Variants in TTC6 observed in about 807,000 individuals in gnomAD.
The protein encoded by TTC6 is tetratricopeptide repeat protein 6.
Under a neutral mutation model 210.4 loss-of-function variants are expected in TTC6, and 172 were observed. The observed-to-expected ratio is 0.82, with a 90% CI of 0.72 to 0.93. The LOEUF is 0.93. TTC6 is among the 40% of genes least tolerant of loss of function. The pLI, the probability that TTC6 is intolerant of heterozygous loss-of-function variation, is 0.00. For synonymous variants in TTC6, 804 were observed against 819.6 expected (o/e 0.98, Z 0.32); for missense variants, 2,414 against 2,318.1 (o/e 1.04, Z -0.85).
intron 20 of TTC6, among the ~76,000 whole-genome samples, chr14:37,802,740 T>C (rs1392550235): frequency 6.5e-4 from 97 of 148,232 alleles, no homozygotes; most frequent in African/African-American, 2.3e-3. Context: ...TTTTTCTCTT[T>C]TTTTTTTTTT....
At chr14:37,687,314 C>T (rs549825439) in intron 3 of TTC6, among the ~76,000 whole-genome samples, 26 of 152,292 alleles carry the variant, frequency 1.7e-4, no homozygotes, top group African/African-American at 5.5e-4. Context: ...AATAGCTGAT[C>T]TCAGTGTTCG....
At position 37,628,275 on chromosome 14, in the gene TTC6, T is replaced by A. The variant is rs188978946; in HGVS notation, c.939+5272T>A. ...GGCATGAGCCACTGTGCCTGGCCTG[T>A]TTCCTGACTTTTTAATGATTGCCAT... On this transcript the variant is annotated intron_variant, in intron 1 of 30. Transcript: ENST00000553443. Among the ~76,000 whole-genome samples, 31 of 152,306 alleles carry A rather than the reference T, an allele frequency of 2.0e-4. No individual in the cohort carries two copies. The East Asian group carries it at 5.8e-3, about 28-fold the overall frequency.
At chr14:37,648,237 T>C (rs1345342366) in intron 1 of TTC6, among the ~76,000 whole-genome samples, 1 of 152,194 alleles carries the variant, frequency 6.6e-6, no homozygotes, top group Non-Finnish European at 1.5e-5. Context: ...TGCTAGAGTT[T>C]TACCACTAAG....
At chr14:37,677,382 A>G (rs1276140314) in intron 1 of TTC6, among the ~76,000 whole-genome samples, 1 of 152,058 alleles carries the variant, frequency 6.6e-6, no homozygotes, top group Non-Finnish European at 1.5e-5. Flanking sequence ...TTATTTTTAC[A>G]TATTTACCCT....
At chr14:37,629,655 G>A (rs978395700) in intron 1 of TTC6, among the ~76,000 whole-genome samples, 1 of 152,076 alleles carries the variant, frequency 6.6e-6, no homozygotes, top group African/African-American at 2.4e-5. Flanking sequence ...TGAATAGGAG[G>A]GGTGAGAGAG....
intron 1 of TTC6, among the ~76,000 whole-genome samples, chr14:37,658,193 A>T (rs1216300051): frequency 6.6e-6 from 1 of 152,236 alleles, no homozygotes; most frequent in Non-Finnish European, 1.5e-5. Flanking sequence ...CACTTATGAA[A>T]TATTCTTCTT....
intron 1 of TTC6, among the ~76,000 whole-genome samples, chr14:37,600,016 G>A (rs1242953429): frequency 1.3e-5 from 2 of 152,202 alleles, no homozygotes; most frequent in African/African-American, 4.8e-5. Flanking sequence ...TCTGCTCTGT[G>A]CTGCTGAAAG....
At chr14:37,689,974 T>A (rs2095800660) in intron 3 of TTC6, among the ~76,000 whole-genome samples, 2 of 152,148 alleles carry the variant, frequency 1.3e-5, no homozygotes, top group African/African-American at 2.4e-5. Flanking sequence ...ACTAAATGAT[T>A]AACCAACAAA....
intron 29 of TTC6, among the ~76,000 whole-genome samples, chr14:37,828,152 C>A (rs2096176658): frequency 6.6e-6 from 1 of 152,060 alleles, no homozygotes; most frequent in African/African-American, 2.4e-5. Context: ...TCTCTTTGGA[C>A]TTCAATTCAT....
intron 3 of TTC6, among the ~76,000 whole-genome samples, chr14:37,688,702 A>G (rs761007234): frequency 1.3e-5 from 2 of 152,166 alleles, no homozygotes; most frequent in African/African-American, 2.4e-5. Flanking sequence ...CTTGTTCAAG[A>G]CCATCAGGGT....
chr14:37,769,192 G>C (rs2096009558), intron 14 of TTC6, among the ~76,000 whole-genome samples: 1 of 151,776 alleles, frequency 6.6e-6, no homozygotes, highest in African/African-American at 2.4e-5. Context: ...TGTGCTGCTG[G>C]ATTCGTTTTG....
chr14:37,613,893 T>C (rs1303928688), intron 2 of TTC6, among the ~76,000 whole-genome samples: 1 of 152,096 alleles, frequency 6.6e-6, no homozygotes, highest in East Asian at 1.9e-4. Flanking sequence ...GTTGAGATTT[T>C]AAAAGAACCA....
intron 29 of TTC6, among the ~76,000 whole-genome samples, chr14:37,841,116 G>A (rs557669152): frequency 7.2e-5 from 11 of 152,204 alleles, no homozygotes; most frequent in South Asian, 6.2e-4. Flanking sequence ...TGATCCACCC[G>A]TCTTGGCCTC....
chr14:37,636,794 T>A (rs1595044539), intron 1 of TTC6, among the ~76,000 whole-genome samples: 1 of 152,208 alleles, frequency 6.6e-6, no homozygotes, highest in African/African-American at 2.4e-5. Flanking sequence ...TTATTATAGT[T>A]ATAGAAAAAC....
At chr14:37,737,247 A>G (rs1210138660) in intron 8 of TTC6, among the ~76,000 whole-genome samples, 3 of 152,112 alleles carry the variant, frequency 2.0e-5, no homozygotes, top group South Asian at 2.1e-4. Flanking sequence ...GAGATTGCTC[A>G]TGATTAGAGG....
At chr14:37,731,811 A>G (rs1341678514) in intron 7 of TTC6, among the ~76,000 whole-genome samples, 2 of 152,188 alleles carry the variant, frequency 1.3e-5, no homozygotes, top group Non-Finnish European at 1.5e-5. Context: ...TGTCTTTTAT[A>G]AACAACATGT....
intron 5 of TTC6, among the ~76,000 whole-genome samples, chr14:37,713,480 T>C (rs1408864354): frequency 6.6e-6 from 1 of 152,112 alleles, no homozygotes; most frequent in African/African-American, 2.4e-5. Flanking sequence ...TCAAGTGATC[T>C]GCCTGCCTCA....
In TTC6 at chr14:37,804,663, C is replaced by G. The variant is rs567784513; in HGVS notation, c.4030-17C>G. The stretch of plus-strand genomic sequence containing the variant: ...AGAAACATTTCTTGCCCCCTCCCTG[C>G]TTTTTTATCATTATAGGAAGCTGTG... On this transcript the variant is annotated splice_polypyrimidine_tract_variant and intron_variant, in intron 20 of 30. Coordinates refer to ENST00000553443, the Ensembl canonical transcript of TTC6. The G allele has an allele frequency of 3.1e-6, 5 of 1,604,578 alleles. No homozygotes were observed. The Admixed American group carries it at 7.0e-5, about 22-fold the overall frequency.
intron 1 of TTC6, among the ~76,000 whole-genome samples, chr14:37,665,099 A>C (rs2095745224): frequency 6.6e-6 from 1 of 150,620 alleles, no homozygotes; most frequent in African/African-American, 2.4e-5. Context: ...GCAATTCCTC[A>C]AATAGCTTGA....
Sources: gnomAD v4.1 joint callset for allele counts (sites outside exome capture counted in the v4.1 genomes callset) on GRCh38, gnomAD v4.1.1 for gene constraint, MANE v1.5 for transcripts, NCBI Gene and HGNC (gene_info 2026-07-23, HGNC 2026-07-21) for gene names.